Variants in GPR55 observed in about 807,000 individuals in gnomAD.
The protein encoded by GPR55 is G protein-coupled receptor 55, also known as G-protein coupled receptor 55.
In GPR55, 6 loss-of-function variants were observed where a neutral mutation model predicts 7.9. The observed-to-expected ratio is 0.76, with a 90% confidence interval of 0.41 to 1.49. GPR55 has a LOEUF of 1.49. Ranked by LOEUF, GPR55 falls within the 40% of genes most tolerant of loss-of-function variation. The pLI, the probability that GPR55 is intolerant of heterozygous loss-of-function variation, is 0.01. For missense variants in GPR55, 376 were observed against 406.0 expected, an observed-to-expected ratio of 0.93 and a Z score of 0.63; for synonymous variants, 183 against 166.8, an observed-to-expected ratio of 1.10 and a Z score of -0.75.
intron 1 of GPR55, among the ~76,000 whole-genome samples, chr2:230,931,041 G>A (rs112017669): frequency 9.9e-5 from 15 of 152,240 alleles, no homozygotes; most frequent in African/African-American, 3.4e-4. Context: ...CCACTCCCCC[G>A]GGAACTGTGC....
At chr2:230,940,985 T>C (rs373753084) in intron 1 of GPR55, among the ~76,000 whole-genome samples, 3,694 of 152,090 alleles carry the variant, frequency 0.024, 138 homozygotes, top group African/African-American at 0.085. Context: ...GACGTGGCGG[T>C]GTGCACTTGT....
At position 230,909,950 on chromosome 2, in the gene GPR55, G is replaced by A. The variant is rs148613951; in HGVS notation, c.*53C>T. ...ATCAAAACCCTGGAACGCGATATCC[G>A]TTACCAGAATTCAGGGCCAGGGCTT... On this transcript the variant is annotated 3_prime_UTR_variant, in exon 2 of 2. Coordinates refer to ENST00000650999, the MANE Select transcript of GPR55 (RefSeq NM_005683.4). 1.4e-3 allele frequency: 2,221 copies of A among 1,545,906 alleles called. 4 individuals are homozygous for A. The highest frequency in any genetic ancestry group is 1.6e-3 in the Non-Finnish European group (1,852 of 1,137,046).
chr2:230,918,892 CA>C (rs1202535240), intron 1 of GPR55, among the ~76,000 whole-genome samples: 1 of 152,092 alleles, frequency 6.6e-6, no homozygotes, highest in Non-Finnish European at 1.5e-5. Flanking sequence ...ACACCAATGA[CA>C]ACTTTGTATT....
At position 230,941,676 on chromosome 2, in the gene GPR55, T is replaced by A. The variant is rs571628770; in HGVS notation, c.-135+19099A>T. On this transcript the variant is annotated intron_variant, in intron 1 of 1. Transcript: ENST00000392039. ...CTCTGGCTCTGGGTCACATCCGCAGTGACTCCCTGTCCTTCAGGTCTCAGG... is the reference window on the plus strand; with the variant it reads ...CTCTGGCTCTGGGTCACATCCGCAGAGACTCCCTGTCCTTCAGGTCTCAGG... 2.4e-4 allele frequency among the ~76,000 whole-genome samples: 37 copies of A among 152,198 alleles called. 1 individual carries two copies. Among genetic ancestry groups the A allele is most frequent in the African/African-American group, 8.4e-4 (35 of 41,518 alleles).
chr2:230,912,158 T>C (rs887325124), intron 1 of GPR55, among the ~76,000 whole-genome samples: 1 of 152,148 alleles, frequency 6.6e-6, no homozygotes, highest in Non-Finnish European at 1.5e-5. Flanking sequence ...ACATGGAATG[T>C]GCCACATTCA....
chr2:230,942,221 C>T (rs1244756200), intron 1 of GPR55, among the ~76,000 whole-genome samples: 1 of 152,204 alleles, frequency 6.6e-6, no homozygotes, highest in Non-Finnish European at 1.5e-5. Context: ...CTGGGCAGAC[C>T]CCTGAGAATG....
At chr2:230,913,682 C>T (rs981593501) in intron 1 of GPR55, among the ~76,000 whole-genome samples, 2 of 152,192 alleles carry the variant, frequency 1.3e-5, no homozygotes, top group African/African-American at 2.4e-5. Context: ...GCCGCCTCCT[C>T]ACTAAACATG....
chr2:230,914,744 C>G (rs560256214), intron 1 of GPR55, among the ~76,000 whole-genome samples: 1 of 152,308 alleles, frequency 6.6e-6, no homozygotes, highest in Non-Finnish European at 1.5e-5. Flanking sequence ...TCTGGCCAAC[C>G]CAGGGGTCCA....
At chr2:230,931,326 C>T (rs1017232300) in intron 1 of GPR55, among the ~76,000 whole-genome samples, 1 of 152,208 alleles carries the variant, frequency 6.6e-6, no homozygotes, top group African/African-American at 2.4e-5. Context: ...TGTTCATTCT[C>T]CAAACACCCT....
rs1438709241 is a variant in GPR55 at position 230,923,175 on chromosome 2, T to A, written c.-135+1993A>T. Among the ~76,000 whole-genome samples the A allele has an allele frequency of 6.6e-6, 1 of 152,186 alleles. No individual in the cohort carries two copies. Among genetic ancestry groups the A allele is most frequent in the Non-Finnish European group, 1.5e-5 (1 of 68,028 alleles). ...AGACCTCGAAACCCAGCTATGTGGC[T>A]CCACACCAGACCTACCTTTCTTCCC... On this transcript the variant is annotated intron_variant, in intron 1 of 1. Coordinates refer to ENST00000650999, the MANE Select transcript of GPR55 (RefSeq NM_005683.4). The surrounding 1 kb of genome is among the most constrained non-coding windows in gnomAD (Gnocchi z 4.1).
chr2:230,925,820 C>G (rs571105356), upstream of GPR55, among the ~76,000 whole-genome samples: 13 of 152,328 alleles, frequency 8.5e-5, no homozygotes, highest in South Asian at 2.7e-3. Context: ...GCCTCGGCTT[C>G]TCTGTCCCAG....
intron 1 of GPR55, among the ~76,000 whole-genome samples, chr2:230,939,296 C>G (rs1258960274): frequency 6.6e-6 from 1 of 152,210 alleles, no homozygotes; most frequent in Non-Finnish European, 1.5e-5. Context: ...GCAGTCAACC[C>G]TGTCTGAGAT....
chr2:230,909,746 G>T lies in GPR55; in HGVS notation c.*257C>A. On this transcript the variant is annotated 3_prime_UTR_variant, in exon 2 of 2. Coordinates refer to ENST00000650999, the MANE Select transcript of GPR55 (RefSeq NM_005683.4). ...TCAATTCTTCTGCTCTATAGTTTTT[G>T]GACTTAGAAATCAGTAATTCACCTG... The T allele has an allele frequency of 2.2e-6, 1 of 454,128 alleles. No individual in the cohort carries two copies. The highest frequency in any genetic ancestry group is 3.9e-6 in the Non-Finnish European group (1 of 253,536). 28.1% of individuals were successfully genotyped at this position (454,128 alleles called of 1,614,324 possible). A position where few individuals can be genotyped will look rare whatever the true frequency, so the allele number is the denominator to read the frequency against.
At position 230,910,379 on chromosome 2, in the gene GPR55, C is replaced by G; in HGVS notation, c.584G>C (p.Gly195Ala). ...CCTGGAGCAGCAGAAGCCCATGATG[C>G]CCATGGGAAGGAGGAAGCCAAACAC... ...LEVFGFLLPM[G>A]IMGFCCSRSI... Residue 195 changes from glycine (G) to alanine (A), a missense_variant, in exon 2 of 2, where the codon GGC becomes GCC. By Grantham distance (60) the Gly-to-Ala change is moderately conservative. Transcript: ENST00000650999. The surrounding 1 kb of genome is among the most constrained non-coding windows in gnomAD (Gnocchi z 5.4). 2 of 1,613,778 alleles carry G rather than the reference C, an allele frequency of 1.2e-6. No homozygotes were observed. Among genetic ancestry groups the G allele is most frequent in the African/African-American group, 1.3e-5 (1 of 74,896 alleles).
At chr2:230,933,019 A>C (rs529923548) in intron 1 of GPR55, among the ~76,000 whole-genome samples, 1 of 152,276 alleles carries the variant, frequency 6.6e-6, no homozygotes, top group South Asian at 2.1e-4. Flanking sequence ...GCAACGATGA[A>C]GGGAAAATGG....
chr2:230,958,359 TC>T (rs1276041319), intron 1 of GPR55, among the ~76,000 whole-genome samples: 5 of 152,180 alleles, frequency 3.3e-5, no homozygotes. Flanking sequence ...GGGGTATCCA[TC>T]CCCCTCAAGC....
At chr2:230,954,597 T>C (rs1691453726) in intron 1 of GPR55, among the ~76,000 whole-genome samples, 1 of 152,228 alleles carries the variant, frequency 6.6e-6, no homozygotes, top group African/African-American at 2.4e-5. Flanking sequence ...ACTAAAGCAT[T>C]CATCCTTTGT....
At chr2:230,958,733 T>G (rs1395754480) in intron 1 of GPR55, among the ~76,000 whole-genome samples, 1 of 152,250 alleles carries the variant, frequency 6.6e-6, no homozygotes, top group Non-Finnish European at 1.5e-5. Context: ...CTCTCCACTG[T>G]AATTAACACA....
chr2:230,940,169 A>G (rs1691202671), intron 1 of GPR55, among the ~76,000 whole-genome samples: 1 of 151,958 alleles, frequency 6.6e-6, no homozygotes, highest in African/African-American at 2.4e-5. Context: ...TTCAGCCTGC[A>G]CCTGGACCAG....
Sources: allele counts gnomAD v4.1 joint callset (sites outside exome capture counted in the v4.1 genomes callset), GRCh38; gene constraint gnomAD v4.1.1; non-coding constraint Gnocchi (gnomAD v3.1); transcripts MANE v1.5; gene names NCBI Gene and HGNC (gene_info 2026-07-23, HGNC 2026-07-21).